Variants in INPP4A observed in about 807,000 individuals in gnomAD.
The protein encoded by INPP4A is inositol polyphosphate-4-phosphatase, type I, 107kD.
In INPP4A, 33 loss-of-function variants were observed where a neutral mutation model predicts 119.8. That is an observed-to-expected ratio of 0.28 (90% CI 0.21 to 0.37). INPP4A has a LOEUF of 0.37. Ranked by LOEUF, INPP4A falls within the 10% of genes least tolerant of loss-of-function variation. INPP4A has a pLI of 1.00. For synonymous variants in INPP4A, 496 were observed against 500.7 expected, an observed-to-expected ratio of 0.99 and a Z score of 0.12; for missense variants, 956 against 1,289.9, an observed-to-expected ratio of 0.74 and a Z score of 3.97.
At chr2:98,467,423 G>A in intron 1 of INPP4A, among the ~76,000 whole-genome samples, 1 of 152,132 alleles carries the variant, frequency 6.6e-6, no homozygotes, top group Non-Finnish European at 1.5e-5. Flanking sequence ...TGTTAACTTG[G>A]TCTCTACATC....
intron 4 of INPP4A, among the ~76,000 whole-genome samples, chr2:98,525,377 C>A (rs1688005238): frequency 6.6e-6 from 1 of 152,188 alleles, no homozygotes; most frequent in African/African-American, 2.4e-5. Context: ...AGATTGAGCC[C>A]ATCTGCATAA....
At chr2:98,537,838 C>T in intron 7 of INPP4A, 25 bp from the exon 8 acceptor site, 5 of 1,508,876 alleles carry the variant, frequency 3.3e-6, no homozygotes, top group Non-Finnish European at 4.6e-6. Flanking sequence ...CAGCACCACT[C>T]ATTAAAGCAT....
intron 24 of INPP4A, chr2:98,581,451 C>T (rs1215695871): frequency 2.1e-6 from 2 of 950,696 alleles, no homozygotes; most frequent in Non-Finnish European, 3.0e-6. Flanking sequence ...TTAACCTTAT[C>T]TTTTGTTTCT....
intron 1 of INPP4A, among the ~76,000 whole-genome samples, chr2:98,456,141 C>T (rs1232316481): frequency 2.0e-5 from 3 of 152,190 alleles, no homozygotes; most frequent in Admixed American, 1.3e-4. Context: ...CTCTTTCTGG[C>T]AGCTTTCTTT....
At chr2:98,460,133 ATGTT>A (rs932010091) in intron 1 of INPP4A, among the ~76,000 whole-genome samples, 13 of 131,728 alleles carry the variant, frequency 9.9e-5, no homozygotes, top group Non-Finnish European at 1.6e-4. Flanking sequence ...GTGTGTGTGT[ATGTT>A]TAAAATTAAA....
intron 1 of INPP4A, among the ~76,000 whole-genome samples, chr2:98,479,553 T>C (rs1316321972): frequency 6.6e-6 from 1 of 152,166 alleles, no homozygotes; most frequent in Non-Finnish European, 1.5e-5. Flanking sequence ...TCAGGATCTT[T>C]CCAGGTATGC....
At position 98,535,707 on chromosome 2, in the gene INPP4A, AT is replaced by A. The variant is rs748389825; in HGVS notation, c.271-20del. 2.6e-6 allele frequency: 3 copies of A among 1,136,636 alleles called. 1 individual carries two copies. In the South Asian group the frequency reaches 4.1e-5, roughly 16 times the overall value. The allele number at this position is 1,136,636 out of a possible 1,614,324, so 70.4% of individuals were successfully genotyped here. ...TTTAAAAATCCAACCCTGTGTTCTG[AT>A]TATTTCCTTTTCTGTTCTAGGGAAC... On this transcript the variant is annotated intron_variant, in intron 5 of 24. Transcript: ENST00000409851.
chr2:98,539,488 A>C (rs2105992695), intron 9 of INPP4A, 40 bp from the exon 10 acceptor site: 1 of 1,585,866 alleles, frequency 6.3e-7, no homozygotes, highest in East Asian at 2.3e-5. Flanking sequence ...GTCTGCAGCC[A>C]GTTCATTTGC....
At chr2:98,568,775 T>C in intron 22 of INPP4A, 107 bp downstream of exon 22, 1 of 682,952 alleles carries the variant, frequency 1.5e-6, no homozygotes, top group Non-Finnish European at 2.7e-6. Context: ...CCTGTGCATG[T>C]GTGTGCACTG....
intron 1 of INPP4A, among the ~76,000 whole-genome samples, chr2:98,515,068 T>C (rs1408288413): frequency 2.6e-5 from 4 of 152,230 alleles, no homozygotes; most frequent in Non-Finnish European, 4.4e-5. Context: ...CCTTGCTCTG[T>C]GCACCTCTTC....
chr2:98,578,572 C>A (rs576438270), intron 24 of INPP4A, among the ~76,000 whole-genome samples: 14 of 152,226 alleles, frequency 9.2e-5, no homozygotes, highest in Non-Finnish European at 1.8e-4. Context: ...AAAGTGGCCC[C>A]CTGGAGAGCC....
chr2:98,505,784 T>C (rs1683930858), intron 1 of INPP4A, among the ~76,000 whole-genome samples: 1 of 152,192 alleles, frequency 6.6e-6, no homozygotes, highest in Non-Finnish European at 1.5e-5. Flanking sequence ...TGTTGAAATA[T>C]ATTATTTCTG....
At chr2:98,522,695 A>T (rs141257321) in intron 4 of INPP4A, among the ~76,000 whole-genome samples, 1 of 152,048 alleles carries the variant, frequency 6.6e-6, no homozygotes, top group African/African-American at 2.4e-5. Flanking sequence ...GCTGAAAGAG[A>T]CCCATAACAA....
chr2:98,533,765 A>T (rs1689688319), intron 5 of INPP4A, among the ~76,000 whole-genome samples: 1 of 152,222 alleles, frequency 6.6e-6, no homozygotes, highest in African/African-American at 2.4e-5. Context: ...GCCTTGTAAG[A>T]GGTAAGACCT....
At chr2:98,518,331 C>T (rs761077848) in intron 1 of INPP4A, among the ~76,000 whole-genome samples, 2 of 152,250 alleles carry the variant, frequency 1.3e-5, no homozygotes, top group African/African-American at 4.8e-5. Flanking sequence ...AGGAGCATAG[C>T]CTGTGAGAGA....
intron 14 of INPP4A, among the ~76,000 whole-genome samples, chr2:98,553,294 C>A (rs570669144): frequency 1.0e-4 from 15 of 146,376 alleles, no homozygotes; most frequent in African/African-American, 3.7e-4. Context: ...CTAACTAGCA[C>A]TTTTTTTTTT....
At chr2:98,489,084 G>A (rs1680166478) in intron 1 of INPP4A, among the ~76,000 whole-genome samples, 1 of 151,858 alleles carries the variant, frequency 6.6e-6, no homozygotes, top group African/African-American at 2.4e-5. Context: ...GAAAAAGAGG[G>A]TGACAAAAGC....
intron 1 of INPP4A, among the ~76,000 whole-genome samples, chr2:98,476,510 C>T (rs1677239648): frequency 6.6e-6 from 1 of 152,198 alleles, no homozygotes; most frequent in African/African-American, 2.4e-5. Context: ...ATCTGGTCTC[C>T]AGCCACAGTC....
Position 98,546,875 on chromosome 2 carries a change from G to A in INPP4A, c.1163+181G>A, listed in dbSNP as rs1692571943. ...TGTTTATGTGTGACTGAGCTGGGTGGGTGATGAGGGCACTGGATCAATGGT... is the reference window on the plus strand; with the variant it reads ...TGTTTATGTGTGACTGAGCTGGGTGAGTGATGAGGGCACTGGATCAATGGT... On this transcript the variant is annotated intron_variant, in intron 13 of 24. Transcript: ENST00000409851. This position sits in a 1 kb window ranked among gnomAD's most constrained non-coding sequence, Gnocchi z 4.2. 6.6e-6 allele frequency among the ~76,000 whole-genome samples: 1 copy of A among 152,224 alleles called. No homozygotes were observed. Among genetic ancestry groups the A allele is most frequent in the Non-Finnish European group, 1.5e-5 (1 of 68,042 alleles).
Sources: allele counts gnomAD v4.1 joint callset (sites outside exome capture counted in the v4.1 genomes callset), GRCh38; gene constraint gnomAD v4.1.1; non-coding constraint Gnocchi (gnomAD v3.1); transcripts MANE v1.5; gene names NCBI Gene and HGNC (gene_info 2026-07-23, HGNC 2026-07-21).